Variants in PCDHGA4 observed in about 807,000 individuals in gnomAD.
The protein encoded by PCDHGA4 is protocadherin gamma subfamily A, 4.
In PCDHGA4, 38 loss-of-function variants were observed where a neutral mutation model predicts 54.6. The ratio of observed to expected loss-of-function variants is 0.70; its 90% confidence interval spans 0.54 to 0.91. PCDHGA4 has a LOEUF of 0.91. Ranked by LOEUF, PCDHGA4 falls within the 40% of genes least tolerant of loss-of-function variation. PCDHGA4 has a pLI of 0.00. For synonymous variants in PCDHGA4, 511 were observed against 512.9 expected, an observed-to-expected ratio of 1.00 and a Z score of 0.05; for missense variants, 1,298 against 1,220.9, an observed-to-expected ratio of 1.06 and a Z score of -0.94.
chr5:141,376,466 C>G, intron 1 of PCDHGA4: 3 of 1,614,200 alleles, frequency 1.9e-6, no homozygotes, highest in Non-Finnish European at 2.5e-6. Flanking sequence ...TCTGATAACT[C>G]AGGATTTACT....
intron 1 of PCDHGA4, chr5:141,419,345 C>T (rs111954647): frequency 6.2e-6 from 10 of 1,613,858 alleles, no homozygotes; most frequent in African/African-American, 2.7e-5. Flanking sequence ...TGCCAGCGAC[C>T]TGGAGTCACG....
At position 141,423,654 on chromosome 5, in the gene PCDHGA4, T is replaced by C. The variant is rs768410507; in HGVS notation, c.2514+66033T>C. The C allele has an allele frequency of 6.3e-6, 10 of 1,583,982 alleles. No individual in the cohort carries two copies. The Admixed American group carries it at 1.8e-4, about 28-fold the overall frequency. ...TTTTAGGCAAATGTGACCCGACAAG[T>C]AATCAGGTGAGATTTATTTCTCTGC... On this transcript the variant is annotated intron_variant, in intron 1 of 3. Transcript: ENST00000571252.
chr5:141,486,504 A>G lies in PCDHGA4; in HGVS notation c.2515-8303A>G. ...AGTACCCACAGAACTATTTTCCTCA[A>G]TATTTCAGATGTGAATGATAATCCA... On this transcript the variant is annotated intron_variant, in intron 1 of 3. Transcript: ENST00000571252. The surrounding 1 kb of genome is among the most constrained non-coding windows in gnomAD (Gnocchi z 5.0). 7.4e-6 allele frequency: 12 copies of G among 1,614,100 alleles called. No individual in the cohort carries two copies. Among genetic ancestry groups the G allele is most frequent in the Non-Finnish European group, 1.0e-5 (12 of 1,179,986 alleles).
At chr5:141,448,862 G>A (rs1406203589) in intron 1 of PCDHGA4, among the ~76,000 whole-genome samples, 2 of 151,996 alleles carry the variant, frequency 1.3e-5, no homozygotes, top group African/African-American at 2.4e-5. Context: ...GGAGAATGGC[G>A]TGAACCTGGG....
chr5:141,489,546 C>T lies in PCDHGA4; in HGVS notation c.2515-5261C>T, dbSNP rs1404605129. ...GCCTATGTGGAGCCAGCACCAGCTGCCTGCTGCCAGTGCAGGTGGTGACTG... is the reference window on the plus strand; with the variant it reads ...GCCTATGTGGAGCCAGCACCAGCTGTCTGCTGCCAGTGCAGGTGGTGACTG... On this transcript the variant is annotated intron_variant, in intron 1 of 3. Coordinates refer to ENST00000571252, the MANE Select transcript of PCDHGA4 (RefSeq NM_018917.4). The surrounding 1 kb of genome is among the most constrained non-coding windows in gnomAD (Gnocchi z 4.5). 2 of 1,614,076 alleles carry T rather than the reference C, an allele frequency of 1.2e-6. No homozygotes were observed. The highest frequency in any genetic ancestry group is 2.2e-5 in the East Asian group (1 of 44,868).
intron 1 of PCDHGA4, chr5:141,372,263 G>A: frequency 6.2e-7 from 1 of 1,613,110 alleles, no homozygotes; most frequent in Admixed American, 1.7e-5. Flanking sequence ...GCCTGCGCAC[G>A]GGTGAGGTGC....
chr5:141,371,779 C>T (rs1376819850), intron 1 of PCDHGA4: 2 of 1,614,012 alleles, frequency 1.2e-6, no homozygotes, highest in Non-Finnish European at 1.7e-6. Context: ...GTGCATGTAG[C>T]TGAGAACAAT....
At position 141,399,853 on chromosome 5, in the gene PCDHGA4, C is replaced by T. The variant is rs530551805; in HGVS notation, c.2514+42232C>T. 48 of 1,612,978 alleles carry T rather than the reference C, an allele frequency of 3.0e-5. 1 individual carries two copies. In the East Asian group the frequency reaches 9.4e-4, roughly 31 times the overall value. On this transcript the variant is annotated intron_variant, in intron 1 of 3. Transcript: ENST00000571252. ...CTCTGCGCTCTTCGATATGGTGCCGCGCGCTGCAGAGCCCGGCTACCTGGT... is the reference window on the plus strand; with the variant it reads ...CTCTGCGCTCTTCGATATGGTGCCGTGCGCTGCAGAGCCCGGCTACCTGGT...
At chr5:141,372,931 A>T in intron 1 of PCDHGA4, 1 of 890,318 alleles carries the variant, frequency 1.1e-6, no homozygotes, top group Non-Finnish European at 1.6e-6. Flanking sequence ...TTTCTGGTGT[A>T]GAGTAGGGTG....
At chr5:141,504,570 AC>A (rs1468526948) in intron 2 of PCDHGA4, among the ~76,000 whole-genome samples, 1 of 148,874 alleles carries the variant, frequency 6.7e-6, no homozygotes, top group Admixed American at 6.9e-5. Flanking sequence ...ATTCTAGGGA[AC>A]ACCATCTGCC....
intron 1 of PCDHGA4, chr5:141,427,834 C>A: frequency 6.5e-7 from 1 of 1,542,566 alleles, no homozygotes; most frequent in Non-Finnish European, 8.9e-7. Flanking sequence ...GCGCAGCGTG[C>A]CTTCGACCAC....
At position 141,408,449 on chromosome 5, in the gene PCDHGA4, G is replaced by C. The variant is rs1561713163; in HGVS notation, c.2514+50828G>C. On this transcript the variant is annotated intron_variant, in intron 1 of 3. Coordinates refer to ENST00000571252, the MANE Select transcript of PCDHGA4 (RefSeq NM_018917.4). Reference sequence around the variant, plus strand: ...CTTCAGCGTAGACGCGGAGAGCGGGGACTTACTTGTGAAGAACCGAATAGA... The same window carrying C: ...CTTCAGCGTAGACGCGGAGAGCGGGCACTTACTTGTGAAGAACCGAATAGA... The C allele has an allele frequency of 1.9e-6, 3 of 1,613,966 alleles. No individual in the cohort carries two copies. In the Admixed American group the frequency reaches 5.0e-5, roughly 27 times the overall value.
At chr5:141,377,231 A>G (rs1773795281) in intron 1 of PCDHGA4, 2 of 152,072 alleles carry the variant, frequency 1.3e-5, no homozygotes, top group Admixed American at 1.3e-4. Flanking sequence ...GTTTTTTCCT[A>G]CTATGTGACA....
intron 1 of PCDHGA4, chr5:141,382,938 C>G (rs1778602174): frequency 6.3e-7 from 1 of 1,592,964 alleles, no homozygotes; most frequent in Admixed American, 1.7e-5. Context: ...ACAGAGGATT[C>G]TTCCTGCTCT....
chr5:141,409,096 A>C, intron 1 of PCDHGA4: 1 of 1,614,074 alleles, frequency 6.2e-7, no homozygotes, highest in African/African-American at 1.3e-5. Context: ...ATGAGAAAAC[A>C]GGTATGATTA....
At chr5:141,411,250 T>C (rs1009574489) in intron 1 of PCDHGA4, 1 of 152,156 alleles carries the variant, frequency 6.6e-6, no homozygotes, top group African/African-American at 2.4e-5. Context: ...ATTTACGATA[T>C]CTTATTTATA....
chr5:141,446,423 T>C (rs745968692), intron 1 of PCDHGA4, among the ~76,000 whole-genome samples: 1 of 152,152 alleles, frequency 6.6e-6, no homozygotes, highest in Non-Finnish European at 1.5e-5. Context: ...CATGTTCATT[T>C]GAAGGATCTG....
At chr5:141,421,748 G>A (rs763166274) in intron 1 of PCDHGA4, 4 of 1,613,944 alleles carry the variant, frequency 2.5e-6, no homozygotes, top group South Asian at 2.2e-5. Context: ...TACCAGCTCA[G>A]CCCTAATAAT....
intron 1 of PCDHGA4, chr5:141,388,778 A>T (rs2091485337): frequency 1.9e-6 from 3 of 1,613,826 alleles, no homozygotes. Context: ...ACACCGGGGA[A>T]ATTACTGTTT....
Sources: allele counts gnomAD v4.1 joint callset (sites outside exome capture counted in the v4.1 genomes callset), GRCh38; gene constraint gnomAD v4.1.1; non-coding constraint Gnocchi (gnomAD v3.1); transcripts MANE v1.5; gene names NCBI Gene and HGNC (gene_info 2026-07-23, HGNC 2026-07-21).